CREB5: variants seen among roughly 807,000 people sequenced by gnomAD.
CREB5 encodes the protein cyclic AMP-responsive element-binding protein 5.
CREB5 carries 19 observed loss-of-function variants against 57.1 expected under a neutral mutation model. The ratio of observed to expected loss-of-function variants is 0.33; its 90% CI spans 0.23 to 0.49. The LOEUF (loss-of-function observed/expected upper bound fraction) is 0.49. Ranked by LOEUF, CREB5 falls within the 20% of genes least tolerant of loss-of-function variation. The pLI, the probability that CREB5 is intolerant of heterozygous loss-of-function variation, is 0.99. For missense variants in CREB5, 579 were observed against 671.6 expected (o/e 0.86, Z 1.52); for synonymous variants, 238 against 238.3 (o/e 1.00, Z 0.01).
intron 7 of CREB5, among the ~76,000 whole-genome samples, chr7:28,761,028 T>C (rs1268219067): frequency 6.6e-6 from 1 of 152,174 alleles, no homozygotes; most frequent in East Asian, 1.9e-4. Flanking sequence ...CCTTAGAGAC[T>C]TTGCCTACAT....
At chr7:28,784,980 T>A (rs1214807418) in intron 7 of CREB5, among the ~76,000 whole-genome samples, 2 of 152,192 alleles carry the variant, frequency 1.3e-5, no homozygotes, top group Non-Finnish European at 2.9e-5. Flanking sequence ...AAGTCACGAT[T>A]GTTAAAGGTA....
At position 28,820,106 on chromosome 7, in the gene CREB5, C is replaced by G. The variant is rs1267317977; in HGVS notation, c.*827C>G. ...CTCTTGCTTTTCACAAAATAGTAACCAGGAGATGTTTAATGTGCCTGATTT... is the reference window on the plus strand; with the variant it reads ...CTCTTGCTTTTCACAAAATAGTAACGAGGAGATGTTTAATGTGCCTGATTT... On this transcript the variant is annotated 3_prime_UTR_variant, in exon 11 of 11. Transcript: ENST00000357727. 1.3e-5 allele frequency: 2 copies of G among 151,948 alleles called. No individual in the cohort carries two copies. Among genetic ancestry groups the G allele is most frequent in the African/African-American group, 4.8e-5 (2 of 41,348 alleles). 9.4% of individuals were successfully genotyped at this position (151,948 alleles called of 1,614,324 possible).
At position 28,821,329 on chromosome 7, in the gene CREB5, T is replaced by C. The variant is rs538656026; in HGVS notation, c.*2050T>C. On this transcript the variant is annotated 3_prime_UTR_variant, in exon 11 of 11. Coordinates refer to ENST00000357727, the MANE Select transcript of CREB5 (RefSeq NM_182898.4). Reference sequence around the variant, plus strand: ...ATTTTTATATAACTAGTTTCAGTTTTATCTAATAACTTACTTTTTAAATCA... The same window carrying C: ...ATTTTTATATAACTAGTTTCAGTTTCATCTAATAACTTACTTTTTAAATCA... 22 of 152,234 alleles carry C rather than the reference T, an allele frequency of 1.4e-4. No individual in the cohort carries two copies. The highest frequency in any genetic ancestry group is 1.2e-3 in the Admixed American group (18 of 15,284). 9.4% of individuals were successfully genotyped at this position (152,234 alleles called of 1,614,324 possible). A position where few individuals can be genotyped will look rare whatever the true frequency, so the allele number is the denominator to read the frequency against.
intron 1 of CREB5, among the ~76,000 whole-genome samples, chr7:28,371,532 G>C (rs1314263042): frequency 6.6e-6 from 1 of 151,882 alleles, no homozygotes; most frequent in African/African-American, 2.4e-5. Context: ...AAAATTGGGA[G>C]GTGGGGAGGC....
At chr7:28,312,958 A>C (rs947794681) in intron 1 of CREB5, among the ~76,000 whole-genome samples, 1 of 152,198 alleles carries the variant, frequency 6.6e-6, no homozygotes, top group African/African-American at 2.4e-5. Context: ...TTGAATGGCC[A>C]TCCAGTTCAA....
In CREB5 at chr7:28,580,382, G is replaced by T. The variant is rs541976444; in HGVS notation, c.464+9845G>T. ...AAATGAGGGGTGTCTGTGTGTGTGG[G>T]GGGGGCATGTGGTGTCAACTGCTAG... On this transcript the variant is annotated intron_variant, in intron 5 of 10. Coordinates refer to ENST00000357727, the MANE Select transcript of CREB5 (RefSeq NM_182898.4). Among the ~76,000 whole-genome samples the T allele has an allele frequency of 1.8e-3, 276 of 150,288 alleles. 3 individuals are homozygous for T. Among genetic ancestry groups the T allele is most frequent in the South Asian group, 4.3e-3 (20 of 4,650 alleles).
At chr7:28,610,938 CT>C in intron 5 of CREB5, among the ~76,000 whole-genome samples, 1 of 150,558 alleles carries the variant, frequency 6.6e-6, no homozygotes, top group East Asian at 2.0e-4. Flanking sequence ...TTATGTATGG[CT>C]GTCTGTGGGA....
At chr7:28,769,005 C>T (rs1806161588) in intron 7 of CREB5, among the ~76,000 whole-genome samples, 1 of 152,208 alleles carries the variant, frequency 6.6e-6, no homozygotes, top group African/African-American at 2.4e-5. Flanking sequence ...TGAGCATTGA[C>T]CACTAGCTGT....
chr7:28,369,669 G>C (rs1786665741), intron 1 of CREB5, among the ~76,000 whole-genome samples: 1 of 152,232 alleles, frequency 6.6e-6, no homozygotes, highest in South Asian at 2.1e-4. Context: ...CCAATGGCCA[G>C]TGGCAGACTA....
intron 8 of CREB5, among the ~76,000 whole-genome samples, chr7:28,805,207 C>T (rs2282910): frequency 0.63 from 95,951 of 151,424 alleles, 30,555 homozygotes; most frequent in Non-Finnish European, 0.66. Flanking sequence ...GTGAGAGTCA[C>T]CAGGAGTGGC....
At chr7:28,365,778 G>C (rs942617733) in intron 1 of CREB5, among the ~76,000 whole-genome samples, 2 of 152,094 alleles carry the variant, frequency 1.3e-5, no homozygotes, top group African/African-American at 4.8e-5. Context: ...GCAGCCAAAC[G>C]CTCCCTCTTT....
chr7:28,781,467 T>G (rs996986181), intron 7 of CREB5, among the ~76,000 whole-genome samples: 1 of 152,182 alleles, frequency 6.6e-6, no homozygotes, highest in Non-Finnish European at 1.5e-5. Flanking sequence ...AATGTAAAAT[T>G]TGTGTTCAGT....
At chr7:28,806,466 A>G (rs1265552068) in intron 8 of CREB5, among the ~76,000 whole-genome samples, 2 of 152,216 alleles carry the variant, frequency 1.3e-5, no homozygotes, top group African/African-American at 4.8e-5. Flanking sequence ...CTGAGATTCT[A>G]AGGTGATTTG....
intron 4 of CREB5, among the ~76,000 whole-genome samples, chr7:28,541,305 A>G (rs2128628132): frequency 6.6e-6 from 1 of 152,258 alleles, no homozygotes; most frequent in East Asian, 1.9e-4. Context: ...CATCGACCAT[A>G]TATTAGGAGT....
chr7:28,769,421 T>G (rs1806202056), intron 7 of CREB5, among the ~76,000 whole-genome samples: 1 of 152,208 alleles, frequency 6.6e-6, no homozygotes, highest in African/African-American at 2.4e-5. Flanking sequence ...CATTACACAT[T>G]GTATACATAT....
intron 5 of CREB5, among the ~76,000 whole-genome samples, chr7:28,662,274 G>C (rs552078737): frequency 1.3e-5 from 2 of 152,278 alleles, no homozygotes; most frequent in South Asian, 4.1e-4. Flanking sequence ...ACATGGTTTG[G>C]ACAAGACGTT....
At chr7:28,397,754 C>T (rs533443020) in intron 1 of CREB5, among the ~76,000 whole-genome samples, 1 of 152,200 alleles carries the variant, frequency 6.6e-6, no homozygotes, top group South Asian at 2.1e-4. Context: ...GACTATGAAC[C>T]ACTGAAAGCC....
chr7:28,309,455 T>C (rs1785239226), intron 1 of CREB5, among the ~76,000 whole-genome samples: 1 of 152,170 alleles, frequency 6.6e-6, no homozygotes, highest in African/African-American at 2.4e-5. Context: ...CTGATTTGTG[T>C]CCACTTTCCT....
intron 1 of CREB5, among the ~76,000 whole-genome samples, chr7:28,334,220 A>G (rs1009486127): frequency 3.3e-5 from 5 of 151,900 alleles, no homozygotes; most frequent in African/African-American, 4.8e-5. Flanking sequence ...CAATGGTGCA[A>G]TCTTGGCTCA....
Sources: gnomAD v4.1 joint callset for allele counts (sites outside exome capture counted in the v4.1 genomes callset) on GRCh38, gnomAD v4.1.1 for gene constraint, MANE v1.5 for transcripts, NCBI Gene and HGNC (gene_info 2026-07-23, HGNC 2026-07-21) for gene names.